The following DAPK2 variants were observed in gnomAD, a reference collection of about 807,000 sequenced individuals.
DAPK2 encodes death-associated protein kinase 2.
DAPK2 carries 35 observed loss-of-function variants against 44.1 expected under a neutral mutation model. That is an observed-to-expected ratio of 0.79 (90% confidence interval 0.61 to 1.05). The LOEUF is 1.05. DAPK2 is among the 50% of genes least tolerant of loss of function. The pLI is 0.00. For synonymous variants in DAPK2, 174 were observed against 182.6 expected, an observed-to-expected ratio of 0.95 and a Z score of 0.38; for missense variants, 453 against 483.2, an observed-to-expected ratio of 0.94 and a Z score of 0.59.
chr15:64,046,194 G>C lies in DAPK2; in HGVS notation c.-7+104C>G, dbSNP rs1315761015. 4 of 373,842 alleles carry C rather than the reference G, an allele frequency of 1.1e-5. No homozygotes were observed. The highest frequency in any genetic ancestry group is 1.5e-5 in the Non-Finnish European group (4 of 270,316). The allele number at this position is 373,842 out of a possible 1,614,324, so 23.2% of individuals were successfully genotyped here. On this transcript the variant is annotated intron_variant, in intron 1 of 11. Transcript: ENST00000457488. This position sits in a 1 kb window ranked among gnomAD's most constrained non-coding sequence, Gnocchi z 5.3. ...CGGCGGGCCCGGGATCTGCGAGCGAGTGCCCCGGATCTCTTCGCCCCGCCA... is the reference window on the plus strand; with the variant it reads ...CGGCGGGCCCGGGATCTGCGAGCGACTGCCCCGGATCTCTTCGCCCCGCCA...
At chr15:63,970,515 G>A (rs1023876539) in intron 3 of DAPK2, among the ~76,000 whole-genome samples, 5 of 152,076 alleles carry the variant, frequency 3.3e-5, no homozygotes, top group African/African-American at 1.2e-4. Context: ...TTCTAGCATA[G>A]TACTTAGAGT....
At chr15:64,018,100 C>A (rs1595897058) in intron 1 of DAPK2, among the ~76,000 whole-genome samples, 1 of 152,290 alleles carries the variant, frequency 6.6e-6, no homozygotes, top group South Asian at 2.1e-4. Flanking sequence ...GGCCTCTCCC[C>A]CAAAACATAC....
At chr15:64,045,789 C>T (rs1189552407) in intron 1 of DAPK2, among the ~76,000 whole-genome samples, 1 of 152,226 alleles carries the variant, frequency 6.6e-6, no homozygotes, top group Admixed American at 6.5e-5. Context: ...GCCGCCCCCA[C>T]GCCCATCCTA....
chr15:64,007,855 A>G (rs2079276845), intron 1 of DAPK2, among the ~76,000 whole-genome samples: 1 of 152,220 alleles, frequency 6.6e-6, no homozygotes, highest in Non-Finnish European at 1.5e-5. Context: ...GGAAAAAAGT[A>G]CTGATCCATG....
chr15:63,984,670 T>C (rs1222097601), intron 1 of DAPK2, among the ~76,000 whole-genome samples: 1 of 152,198 alleles, frequency 6.6e-6, no homozygotes, highest in African/African-American at 2.4e-5. Context: ...CATTGCCCCA[T>C]GTTTTCTTGC....
intron 3 of DAPK2, among the ~76,000 whole-genome samples, chr15:63,954,240 T>C (rs1246337011): frequency 6.6e-6 from 1 of 152,238 alleles, no homozygotes; most frequent in Non-Finnish European, 1.5e-5. Flanking sequence ...TCCAATGTCT[T>C]GGAAAGTTTC....
At chr15:63,920,199 C>T (rs1258615907) in intron 8 of DAPK2, 1 of 152,230 alleles carries the variant, frequency 6.6e-6, no homozygotes, top group Admixed American at 6.5e-5. Context: ...CACCCAGCCT[C>T]AGACTGTTGG....
chr15:64,008,540 C>T (rs892604221), intron 1 of DAPK2, among the ~76,000 whole-genome samples: 5 of 152,180 alleles, frequency 3.3e-5, no homozygotes, highest in Admixed American at 2.6e-4. Flanking sequence ...TGGAAACAAG[C>T]TAAGCATTCT....
intron 4 of DAPK2, chr15:63,932,509 G>A (rs1198350796): frequency 6.8e-6 from 1 of 147,102 alleles, no homozygotes. Context: ...CAAAGAAGTA[G>A]AGGTAAGAGT....
intron 1 of DAPK2, among the ~76,000 whole-genome samples, chr15:64,017,349 A>G (rs2079558629): frequency 6.6e-6 from 1 of 152,220 alleles, no homozygotes; most frequent in African/African-American, 2.4e-5. Context: ...GTAAAGACCA[A>G]ATAGACAACA....
intron 2 of DAPK2, 45 bp downstream of exon 3, chr15:63,983,488 C>A (rs774431033): frequency 2.5e-6 from 4 of 1,577,760 alleles, no homozygotes; most frequent in Non-Finnish European, 3.5e-6. Flanking sequence ...GCTCTGCCTG[C>A]CCCTGCTGCC....
At chr15:64,008,507 T>C (rs1440568730) in intron 1 of DAPK2, among the ~76,000 whole-genome samples, 3 of 152,220 alleles carry the variant, frequency 2.0e-5, no homozygotes, top group African/African-American at 7.2e-5. Context: ...TGAAAGAACA[T>C]AGTTTCATAG....
At chr15:63,926,183 T>G in intron 6 of DAPK2, 90 bp from the exon 8 acceptor site, 1 of 1,443,036 alleles carries the variant, frequency 6.9e-7, no homozygotes, top group Non-Finnish European at 9.4e-7. Flanking sequence ...CCATGACTGC[T>G]GCAGGGAGCT....
rs58879927 is a variant in DAPK2, at chr15:64,002,974, C to CTGTGTGTGTGTGTG, written c.93-19234_93-19221dup. ...TGTGTGTGTGTGTGTGTCGTGGGACCTGTGTGTGTGTGTGTGTGTGTGTGT... is the reference window on the plus strand; with the variant it reads ...TGTGTGTGTGTGTGTGTCGTGGGACCTGTGTGTGTGTGTGTGTGTGTGTGTGTGTGTGTGTGTGT... On this transcript the variant is annotated intron_variant, in intron 1 of 10. Transcript: ENST00000261891. Among the ~76,000 whole-genome samples the CTGTGTGTGTGTGTG allele has an allele frequency of 4.9e-3, 252 of 51,550 alleles. 11 individuals carry two copies. The highest frequency in any genetic ancestry group is 6.5e-3 in the South Asian group (7 of 1,072). 33.8% of individuals were successfully genotyped at this position (51,550 alleles called of 152,430 possible). A position where few individuals can be genotyped will look rare whatever the true frequency, so the allele number is the denominator to read the frequency against.
At chr15:64,037,841 T>C (rs948454731) in intron 1 of DAPK2, among the ~76,000 whole-genome samples, 3 of 152,140 alleles carry the variant, frequency 2.0e-5, no homozygotes, top group Non-Finnish European at 4.4e-5. Context: ...TCCTAGGACA[T>C]CTGACCACTC....
intron 8 of DAPK2, chr15:63,922,683 G>T: frequency 6.8e-7 from 1 of 1,470,988 alleles, no homozygotes; most frequent in South Asian, 1.4e-5. Flanking sequence ...GGGTGGATGA[G>T]AACATGCTTC....
intron 3 of DAPK2, among the ~76,000 whole-genome samples, chr15:63,954,555 T>C (rs1332233759): frequency 6.6e-6 from 1 of 152,226 alleles, no homozygotes; most frequent in East Asian, 1.9e-4. Context: ...CTATATAGCT[T>C]TGTCATATAA....
rs2078780430 is a variant in DAPK2 at position 63,990,228 on chromosome 15, G to A, written c.93-6474C>T. On this transcript the variant is annotated intron_variant, in intron 1 of 10. Coordinates refer to ENST00000261891, the Ensembl canonical transcript of DAPK2. This position sits in a 1 kb window ranked among gnomAD's most constrained non-coding sequence, Gnocchi z 4.3. ...GGATCACCTGAGGTCAAGAGTTTGA[G>A]ACCAGCCTGGGCCAACAGGACAAAA... is the stretch of plus-strand genomic sequence containing the variant. 7.1e-6 allele frequency among the ~76,000 whole-genome samples: 1 copy of A among 141,600 alleles called. No individual in the cohort carries two copies. 92.9% of individuals were successfully genotyped at this position (141,600 alleles called of 152,430 possible). A position where few individuals can be genotyped will look rare whatever the true frequency, so the allele number is the denominator to read the frequency against.
At chr15:63,986,036 C>T (rs1008313549) in intron 1 of DAPK2, among the ~76,000 whole-genome samples, 1 of 152,242 alleles carries the variant, frequency 6.6e-6, no homozygotes, top group African/African-American at 2.4e-5. Flanking sequence ...CACCACCACT[C>T]GTCTCACCTG....
Sources: allele counts gnomAD v4.1 joint callset (sites outside exome capture counted in the v4.1 genomes callset), GRCh38; gene constraint gnomAD v4.1.1; non-coding constraint Gnocchi (gnomAD v3.1); transcripts MANE v1.5; gene names NCBI Gene and HGNC (gene_info 2026-07-23, HGNC 2026-07-21).